Variants in SIPA1L3 observed in about 807,000 individuals in gnomAD.
SIPA1L3 encodes signal-induced proliferation-associated 1-like protein 3.
SIPA1L3 carries 59 observed loss-of-function variants against 150.1 expected under a neutral mutation model. The observed-to-expected ratio is 0.39, with a 90% CI of 0.32 to 0.49. The LOEUF is 0.49. Ranked by LOEUF, SIPA1L3 falls within the 20% of genes least tolerant of loss-of-function variation. SIPA1L3 has a pLI of 0.86. For synonymous variants in SIPA1L3, 1,070 were observed against 1,077.6 expected (o/e 0.99, Z 0.14); for missense variants, 2,211 against 2,489.5 (o/e 0.89, Z 2.38).
At chr19:38,028,784 C>T (rs991314047) in intron 1 of SIPA1L3, among the ~76,000 whole-genome samples, 1 of 151,830 alleles carries the variant, frequency 6.6e-6, no homozygotes, top group Non-Finnish European at 1.5e-5. Context: ...CCTCCACCTC[C>T]CGGGTTCAAG....
intron 1 of SIPA1L3, among the ~76,000 whole-genome samples, chr19:37,910,927 T>G (rs2046372307): frequency 6.6e-6 from 1 of 152,132 alleles, no homozygotes; most frequent in South Asian, 2.1e-4. Flanking sequence ...ACTATTTTGG[T>G]CATGACCTTT....
chr19:38,199,319 C>T (rs1262341637), intron 19 of SIPA1L3, among the ~76,000 whole-genome samples: 1 of 152,216 alleles, frequency 6.6e-6, no homozygotes, highest in East Asian at 1.9e-4. Context: ...CCTGGAGACC[C>T]AGATGCCATC....
At chr19:38,066,017 TATTTATTTATTTTTG>T (rs1969580026) in intron 2 of SIPA1L3, among the ~76,000 whole-genome samples, 1 of 144,114 alleles carries the variant, frequency 6.9e-6, no homozygotes. Context: ...TTTATTTATT[TATTTATTTATTTTTG>T]AGGCAACGTC....
intron 15 of SIPA1L3, among the ~76,000 whole-genome samples, chr19:38,165,410 G>A (rs556590936): frequency 2.0e-5 from 3 of 152,126 alleles, no homozygotes; most frequent in Admixed American, 6.6e-5. Flanking sequence ...CTCCCTGCTC[G>A]GCATCTTTAC....
chr19:38,088,930 T>A lies in SIPA1L3; in HGVS notation c.1665+79T>A. The A allele has an allele frequency of 6.0e-6, 9 of 1,500,922 alleles. No homozygotes were observed. In the South Asian group the frequency reaches 9.4e-5, roughly 16 times the overall value. 93.0% of individuals were successfully genotyped at this position (1,500,922 alleles called of 1,614,324 possible). A position where few individuals can be genotyped will look rare whatever the true frequency, so the allele number is the denominator to read the frequency against. On this transcript the variant is annotated intron_variant, in intron 4 of 21. Coordinates refer to ENST00000222345, the MANE Select transcript of SIPA1L3 (RefSeq NM_015073.3). ...GAGCCAGGTTCTGGGGGCAAACGCT[T>A]CCCCAGCTTCATCTCATGGAATCCT...
At chr19:38,071,235 A>ATCTG (rs1555783268) in intron 2 of SIPA1L3, among the ~76,000 whole-genome samples, 6 of 151,540 alleles carry the variant, frequency 4.0e-5, no homozygotes, top group South Asian at 2.1e-4. Context: ...CTATCTATCT[A>ATCTG]TCTATCTATC....
chr19:38,043,398 GAGAA>G (rs758480678), intron 2 of SIPA1L3, among the ~76,000 whole-genome samples: 7 of 152,240 alleles, frequency 4.6e-5, no homozygotes, highest in East Asian at 1.9e-4. Context: ...GAAAAAGCGA[GAGAA>G]AGAAAGAAAA....
intron 1 of SIPA1L3, among the ~76,000 whole-genome samples, chr19:38,003,438 G>A (rs565143425): frequency 1.3e-5 from 2 of 152,296 alleles, no homozygotes; most frequent in East Asian, 1.9e-4. Flanking sequence ...CGTGAATTTG[G>A]TGTATGTCTC....
rs567723050 is a variant in SIPA1L3, at chr19:38,001,028, CAT to C, written c.-378-28056_-378-28055del. ...ATCATATACACATATATATCACACA[CAT>C]ATATCACACATATATCACACATATA... On this transcript the variant is annotated intron_variant, in intron 1 of 21. Coordinates refer to ENST00000222345, the MANE Select transcript of SIPA1L3 (RefSeq NM_015073.3). Among the ~76,000 whole-genome samples, 150 of 149,790 alleles carry C rather than the reference CAT, an allele frequency of 1.0e-3. 2 individuals carry two copies. In the East Asian group the frequency reaches 0.017, roughly 17 times the overall value.
At position 38,046,394 on chromosome 19, in the gene SIPA1L3, A is replaced by T. The variant is rs574319767; in HGVS notation, c.-311+17238A>T. Among the ~76,000 whole-genome samples the T allele has an allele frequency of 1.5e-4, 23 of 152,230 alleles. No homozygotes were observed. Among genetic ancestry groups the T allele is most frequent in the Admixed American group, 1.2e-3 (18 of 15,294 alleles). Reference sequence around the variant, plus strand: ...ATTTCCCTATTTCTTTTGAGTGGCCAGATGACAGCACAAAGCTTCAAGGTC... The same window carrying T: ...ATTTCCCTATTTCTTTTGAGTGGCCTGATGACAGCACAAAGCTTCAAGGTC... On this transcript the variant is annotated intron_variant, in intron 2 of 21. Transcript: ENST00000222345. This position sits in a 1 kb window ranked among gnomAD's most constrained non-coding sequence, Gnocchi z 5.6.
intron 1 of SIPA1L3, among the ~76,000 whole-genome samples, chr19:37,949,914 T>C (rs1199189018): frequency 6.6e-6 from 1 of 151,446 alleles, no homozygotes; most frequent in Non-Finnish European, 1.5e-5. Flanking sequence ...CTGTCTCTAC[T>C]AAAAATACAA....
intron 1 of SIPA1L3, among the ~76,000 whole-genome samples, chr19:37,911,371 G>A (rs547047349): frequency 1.3e-5 from 2 of 152,034 alleles, no homozygotes; most frequent in Admixed American, 1.3e-4. Flanking sequence ...ATTAATGGCT[G>A]GGCATGTCCT....
In SIPA1L3 at chr19:38,193,686, C is replaced by T. The variant is rs769558305; in HGVS notation, c.4746C>T (p.Ser1582=). 2 of 1,576,112 alleles carry T rather than the reference C, an allele frequency of 1.3e-6. No homozygotes were observed. Among genetic ancestry groups the T allele is most frequent in the Non-Finnish European group, 1.7e-6 (2 of 1,168,828 alleles). The change falls in exon 18 of 22, where the codon AGC becomes AGT. Residue 1582 remains serine (S), a synonymous_variant. Coordinates refer to ENST00000222345, the MANE Select transcript of SIPA1L3 (RefSeq NM_015073.3). ...CCAGCACCTGCGCCTTCCCGTCCAG[C>T]ACGCTGCCTGCACGCCGCCAGCACC... ...LFTSTCAFPS[S]TLPARRQHQH...
chr19:37,959,308 G>A (rs895591096), intron 1 of SIPA1L3, among the ~76,000 whole-genome samples: 36 of 152,132 alleles, frequency 2.4e-4, no homozygotes, highest in Admixed American at 1.6e-3. Context: ...AACAGAATGC[G>A]ATATAGACCC....
At chr19:38,011,664 C>T (rs537352154) in intron 1 of SIPA1L3, among the ~76,000 whole-genome samples, 1 of 152,206 alleles carries the variant, frequency 6.6e-6, no homozygotes, top group South Asian at 2.1e-4. Flanking sequence ...GCCAGTGTGG[C>T]GGGAGCATTT....
intron 1 of SIPA1L3, among the ~76,000 whole-genome samples, chr19:37,992,338 G>A (rs1168235887): frequency 6.6e-6 from 1 of 152,198 alleles, no homozygotes; most frequent in Non-Finnish European, 1.5e-5. Context: ...AGTCAGGCAA[G>A]GAGGAACTGC....
At chr19:37,907,838 A>G (rs1029272729) in intron 1 of SIPA1L3, 1 of 152,198 alleles carries the variant, frequency 6.6e-6, no homozygotes, top group African/African-American at 2.4e-5. Flanking sequence ...TGTGCATGTA[A>G]AGAGGTGAGT....
intron 6 of SIPA1L3, among the ~76,000 whole-genome samples, chr19:38,104,613 C>G (rs1970580003): frequency 6.6e-6 from 1 of 152,028 alleles, no homozygotes; most frequent in Non-Finnish European, 1.5e-5. Flanking sequence ...GCTCTGTCAC[C>G]CAGGCTGGAG....
At position 38,183,729 on chromosome 19, in the gene SIPA1L3, A is replaced by G. The variant is rs1296270225; in HGVS notation, c.4430+989A>G. Among the ~76,000 whole-genome samples, 5 of 152,238 alleles carry G rather than the reference A, an allele frequency of 3.3e-5. No homozygotes were observed. In the East Asian group the frequency reaches 5.8e-4, roughly 18 times the overall value. ...AAGGCAGGGTGTGGAGAGAGGAGAA[A>G]TGTGGGACTGAGACTGAAACCCCTT... is the stretch of plus-strand genomic sequence containing the variant. On this transcript the variant is annotated intron_variant, in intron 16 of 21. Coordinates refer to ENST00000222345, the MANE Select transcript of SIPA1L3 (RefSeq NM_015073.3).
Sources: gnomAD v4.1 joint callset for allele counts (sites outside exome capture counted in the v4.1 genomes callset) on GRCh38, gnomAD v4.1.1 for gene constraint, Gnocchi (gnomAD v3.1) non-coding constraint, MANE v1.5 for transcripts, NCBI Gene and HGNC (gene_info 2026-07-23, HGNC 2026-07-21) for gene names.